MAP3K10: variants seen among roughly 807,000 people sequenced by gnomAD.
MAP3K10 encodes MKN28 derived nonreceptor_type serine/threonine kinase.
Under a neutral mutation model 75.0 loss-of-function variants are expected in MAP3K10, and 22 were observed. That is an observed-to-expected ratio of 0.29 (90% CI 0.21 to 0.42). The LOEUF is 0.42. Among genes scored for constraint, MAP3K10 ranks in the 10% least tolerant of loss-of-function variants. MAP3K10 has a pLI of 1.00. For synonymous variants in MAP3K10, 599 were observed against 612.9 expected, an observed-to-expected ratio of 0.98 and a Z score of 0.34; for missense variants, 1,165 against 1,379.8, an observed-to-expected ratio of 0.84 and a Z score of 2.47.
Position 40,204,277 on chromosome 19 carries a change from C to G in MAP3K10, c.864-208C>G, listed in dbSNP as rs1419812022. 6.6e-6 allele frequency among the ~76,000 whole-genome samples: 1 copy of G among 152,156 alleles called. No homozygotes were observed. Among genetic ancestry groups the G allele is most frequent in the Non-Finnish European group, 1.5e-5 (1 of 68,034 alleles). ...TCAGGCAGGGGAGAGGGAAGACAGG[C>G]CGAGCAAAGGAGAGACATCAGAGAG... On this transcript the variant is annotated intron_variant, in intron 2 of 9. Coordinates refer to ENST00000253055, the MANE Select transcript of MAP3K10 (RefSeq NM_002446.4). This position sits in a 1 kb window ranked among gnomAD's most constrained non-coding sequence, Gnocchi z 4.3.
Position 40,206,177 on chromosome 19 carries a change from G to C in MAP3K10, c.1435+20G>C, listed in dbSNP as rs757686251. The C allele has an allele frequency of 8.3e-6, 13 of 1,574,432 alleles. No homozygotes were observed. In the South Asian group the frequency reaches 1.3e-4, roughly 15 times the overall value. ...CCTCTGGTACCCACCCGTGTCCCCA[G>C]AGCGCCCCCCAAGAGGCTGCTGGGA... On this transcript the variant is annotated intron_variant, in intron 5 of 9. Transcript: ENST00000253055.
Position 40,213,571 on chromosome 19 carries a change from C to G in MAP3K10, c.1892C>G (p.Ser631Trp). The change falls in exon 9 of 10, where the codon TCG becomes TGG. Residue 631 changes from serine (S) to tryptophan (W), a missense_variant. By Grantham distance (177) the Ser-to-Trp change is radical. Coordinates refer to ENST00000253055, the MANE Select transcript of MAP3K10 (RefSeq NM_002446.4). The surrounding 1 kb of genome is among the most constrained non-coding windows in gnomAD (Gnocchi z 5.7). ...AGCAGCGTGCCCCCTTCCCCCTACT[C>G]GACCCCGTCCTACCTCTCAGTGCCA... Reference protein sequence around the residue: ...GGSSVPPSPYSTPSYLSVPLP... With the variant: ...GGSSVPPSPYWTPSYLSVPLP... 1 of 1,610,460 alleles carries G rather than the reference C, an allele frequency of 6.2e-7. No individual in the cohort carries two copies. Among genetic ancestry groups the G allele is most frequent in the Non-Finnish European group, 8.5e-7 (1 of 1,178,762 alleles).
chr19:40,201,794 CT>C (rs757199734), intron 2 of MAP3K10, among the ~76,000 whole-genome samples: 2,372 of 123,376 alleles, frequency 0.019, 44 homozygotes, highest in African/African-American at 0.06. Context: ...CACACGCCAG[CT>C]TTTTTTTTTT....
intron 1 of MAP3K10, among the ~76,000 whole-genome samples, chr19:40,196,915 A>G (rs150664687): frequency 6.0e-4 from 91 of 152,300 alleles, no homozygotes; most frequent in African/African-American, 2.1e-3. Flanking sequence ...AACACTAGCC[A>G]TGATCCTCAT....
Position 40,213,258 on chromosome 19 carries a change from CGAA to C in MAP3K10, c.1837+73_1837+75del. On this transcript the variant is annotated intron_variant, in intron 8 of 9. Coordinates refer to ENST00000253055, the MANE Select transcript of MAP3K10 (RefSeq NM_002446.4). The surrounding 1 kb of genome is among the most constrained non-coding windows in gnomAD (Gnocchi z 5.7). The stretch of plus-strand genomic sequence containing the variant: ...AAGGGGTGAGCCTCCTGGGGCTGAG[CGAA>C]GAGACCAGGTTTCACTGGGCCAGTG... The C allele has an allele frequency of 1.4e-6, 2 of 1,472,322 alleles. No individual in the cohort carries two copies. Among genetic ancestry groups the C allele is most frequent in the African/African-American group, 2.8e-5 (2 of 70,644 alleles). The allele number at this position is 1,472,322 out of a possible 1,614,324, so 91.2% of individuals were successfully genotyped here.
At chr19:40,208,336 T>C (rs1444127548) in intron 5 of MAP3K10, among the ~76,000 whole-genome samples, 1 of 89,756 alleles carries the variant, frequency 1.1e-5, no homozygotes, top group Non-Finnish European at 2.4e-5. Context: ...CACGCCTGGC[T>C]CTTTCTTTCT....
rs554277950 is a variant in MAP3K10 at position 40,215,160 on chromosome 19, G to A, written c.2733G>A (p.Ser911=). 39 of 1,606,780 alleles carry A rather than the reference G, an allele frequency of 2.4e-5. No homozygotes were observed. In the East Asian group the frequency reaches 2.7e-4, roughly 11 times the overall value. ...LVSFGRTLTI[S]PPSRPDTPES... Reference sequence around the variant, plus strand: ...CCTTCGGCCGGACACTCACCATCTCGCCTCCCAGCAGGCCAGACACTCCGG... The same window carrying A: ...CCTTCGGCCGGACACTCACCATCTCACCTCCCAGCAGGCCAGACACTCCGG... Residue 911 remains serine (S), a synonymous_variant, in exon 10 of 10, where the codon TCG becomes TCA. Transcript: ENST00000253055.
rs1227192991 is a variant in MAP3K10 at position 40,192,305 on chromosome 19, G to A, written c.274G>A (p.Glu92Lys). Reference protein sequence around the residue: ...AAPAGLQLPQEIPFHELQLEE... With the variant: ...AAPAGLQLPQKIPFHELQLEE... ...ACCCGCGGGCCTCCAGCTGCCCCAG[G>A]AGATCCCCTTCCACGAGCTGCAGCT... The change falls in exon 1 of 10, where the codon GAG (glutamate) becomes AAG (lysine). Residue 92 changes from glutamate (E) to lysine (K), a missense_variant. Coordinates refer to ENST00000253055, the MANE Select transcript of MAP3K10 (RefSeq NM_002446.4). The surrounding 1 kb of genome is among the most constrained non-coding windows in gnomAD (Gnocchi z 7.1). The A allele has an allele frequency of 6.2e-7, 1 of 1,602,618 alleles. No homozygotes were observed. Among genetic ancestry groups the A allele is most frequent in the East Asian group, 2.2e-5 (1 of 44,554 alleles).
In MAP3K10 at chr19:40,209,177, C is replaced by T. The variant is rs756990388; in HGVS notation, c.1510C>T (p.Pro504Ser). ...GAAAGGATCCGATGGGGCCAGCCCC[C>T]CTGCAAGCCCCAGCATCATCCCCCG... is the stretch of plus-strand genomic sequence containing the variant. ...KRKGSDGASP[P>S]ASPSIIPRLR... Residue 504 changes from proline to serine, a missense_variant, in exon 6 of 10, where the codon CCT becomes TCT. This residue lies in a region of MAP3K10 where 575 missense variants were observed against 793.2 expected (regional missense o/e 0.72). Coordinates refer to ENST00000253055, the MANE Select transcript of MAP3K10 (RefSeq NM_002446.4). 6.2e-7 allele frequency: 1 copy of T among 1,614,234 alleles called. No individual in the cohort carries two copies. The highest frequency in any genetic ancestry group is 1.7e-5 in the Admixed American group (1 of 60,030).
chr19:40,201,743 A>G (rs1383653803), intron 2 of MAP3K10, among the ~76,000 whole-genome samples: 1 of 150,550 alleles, frequency 6.6e-6, no homozygotes, highest in Non-Finnish European at 1.5e-5. Flanking sequence ...TTGGCCTCCC[A>G]AAGTGCTGAC....
At chr19:40,202,368 C>T (rs1422579825) in intron 2 of MAP3K10, among the ~76,000 whole-genome samples, 3 of 152,148 alleles carry the variant, frequency 2.0e-5, no homozygotes, top group African/African-American at 4.8e-5. Flanking sequence ...TGTTTTTGTT[C>T]CTGCGCTCCT....
rs746537447 is a variant in MAP3K10 at position 40,205,981 on chromosome 19, G to A, written c.1259G>A (p.Arg420Gln). The change falls in exon 5 of 10, where the codon CGG becomes CAG. Residue 420 changes from arginine to glutamine, a missense_variant. By Grantham distance (43) the Arg-to-Gln change is conservative. Coordinates refer to ENST00000253055, the MANE Select transcript of MAP3K10 (RefSeq NM_002446.4). This position sits in a 1 kb window ranked among gnomAD's most constrained non-coding sequence, Gnocchi z 4.3. Reference sequence around the variant, plus strand: ...CAGCGCTTCCAGGAGGAGCAGCTGCGGCGGCGGGAGCAGGAGCTGGCAGAA... The same window carrying A: ...CAGCGCTTCCAGGAGGAGCAGCTGCAGCGGCGGGAGCAGGAGCTGGCAGAA... The part of the protein sequence containing the change: ...QEQRFQEEQL[R>Q]RREQELAERE... 12 of 1,610,280 alleles carry A rather than the reference G, an allele frequency of 7.5e-6. No individual in the cohort carries two copies. The highest frequency in any genetic ancestry group is 2.7e-5 in the African/African-American group (2 of 74,836).
Position 40,198,779 on chromosome 19 carries a change from G to C in MAP3K10, c.863+224G>C, listed in dbSNP as rs1487491182. ...TAGAATAAAAAGCTCATAGGATCTAGAGACAAGGCCGGGCGCGGGGGCGCA... is the reference window on the plus strand; with the variant it reads ...TAGAATAAAAAGCTCATAGGATCTACAGACAAGGCCGGGCGCGGGGGCGCA... On this transcript the variant is annotated intron_variant, in intron 2 of 9. Transcript: ENST00000253055. This position sits in a 1 kb window ranked among gnomAD's most constrained non-coding sequence, Gnocchi z 4.3. 2.0e-5 allele frequency among the ~76,000 whole-genome samples: 3 copies of C among 152,248 alleles called. No homozygotes were observed. Among genetic ancestry groups the C allele is most frequent in the African/African-American group, 7.2e-5 (3 of 41,474 alleles).
chr19:40,192,312 C>T lies in MAP3K10; in HGVS notation c.281C>T (p.Pro94Leu). ...GGCCTCCAGCTGCCCCAGGAGATCCCCTTCCACGAGCTGCAGCTAGAGGAG... is the reference window on the plus strand; with the variant it reads ...GGCCTCCAGCTGCCCCAGGAGATCCTCTTCCACGAGCTGCAGCTAGAGGAG... ...PAGLQLPQEIPFHELQLEEII... is the reference protein window; with the variant it reads ...PAGLQLPQEILFHELQLEEII... The change falls in exon 1 of 10, where the codon CCC becomes CTC. Residue 94 changes from proline (P) to leucine (L), a missense_variant. Coordinates refer to ENST00000253055, the MANE Select transcript of MAP3K10 (RefSeq NM_002446.4). This position sits in a 1 kb window ranked among gnomAD's most constrained non-coding sequence, Gnocchi z 7.1. 1.9e-6 allele frequency: 3 copies of T among 1,606,428 alleles called. No homozygotes were observed. Among genetic ancestry groups the T allele is most frequent in the Non-Finnish European group, 2.5e-6 (3 of 1,177,510 alleles).
Position 40,213,767 on chromosome 19 carries a change from G to A in MAP3K10, c.2088G>A (p.Ala696=), listed in dbSNP as rs1466970151. The A allele has an allele frequency of 9.6e-6, 11 of 1,148,806 alleles. No individual in the cohort carries two copies. In the African/African-American group the frequency reaches 1.3e-4, roughly 14 times the overall value. The allele number at this position is 1,148,806 out of a possible 1,614,324, so 71.2% of individuals were successfully genotyped here. A position where few individuals can be genotyped will look rare whatever the true frequency, so the allele number is the denominator to read the frequency against. Residue 696 remains alanine, a synonymous_variant, in exon 9 of 10, where the codon GCG becomes GCA. Coordinates refer to ENST00000253055, the MANE Select transcript of MAP3K10 (RefSeq NM_002446.4). The surrounding 1 kb of genome is among the most constrained non-coding windows in gnomAD (Gnocchi z 5.7). ...GCGCCGACGTGGCCGAGGCGCGCGCGGCCGACGGTGAGGAGCAGCGGCGCT... is the reference window on the plus strand; with the variant it reads ...GCGCCGACGTGGCCGAGGCGCGCGCAGCCGACGGTGAGGAGCAGCGGCGCT... The part of the protein sequence containing the change: ...GLGADVAEAR[A]ADGEEQRRWL...
At position 40,198,179 on chromosome 19, in the gene MAP3K10, T is replaced by G. The variant is rs945872839; in HGVS notation, c.683-196T>G. Among the ~76,000 whole-genome samples the G allele has an allele frequency of 6.6e-6, 1 of 151,998 alleles. No homozygotes were observed. The highest frequency in any genetic ancestry group is 1.5e-5 in the Non-Finnish European group (1 of 67,994). On this transcript the variant is annotated intron_variant, in intron 1 of 9. Transcript: ENST00000253055. This position sits in a 1 kb window ranked among gnomAD's most constrained non-coding sequence, Gnocchi z 4.3. Reference sequence around the variant, plus strand: ...ACAGGAGGAGCTCCCTACTCCCTCATGGGAGCCTGGGACAGGGATTAGACC... The same window carrying G: ...ACAGGAGGAGCTCCCTACTCCCTCAGGGGAGCCTGGGACAGGGATTAGACC...
In MAP3K10 at chr19:40,209,427, GAGAC is replaced by G. The variant is rs899079267; in HGVS notation, c.1552+216_1552+219del. On this transcript the variant is annotated intron_variant, in intron 6 of 9. Transcript: ENST00000253055. ...TTTTTTTTTTTTTTCTTTTTTTTTG[GAGAC>G]AGACAGAGTCTCGCTCTATCTCCCA... 1.3e-3 allele frequency among the ~76,000 whole-genome samples: 192 copies of G among 149,218 alleles called. 1 individual carries two copies. Among genetic ancestry groups the G allele is most frequent in the African/African-American group, 4.2e-3 (172 of 40,536 alleles).
intron 2 of MAP3K10, among the ~76,000 whole-genome samples, chr19:40,199,644 G>C (rs1972980429): frequency 6.6e-6 from 1 of 152,124 alleles, no homozygotes; most frequent in Admixed American, 6.6e-5. Context: ...CTGTGGGTGA[G>C]GGAGTGGCCT....
In MAP3K10 at chr19:40,204,915, G is replaced by T; in HGVS notation, c.1013-206G>T. On this transcript the variant is annotated intron_variant, in intron 3 of 9. Coordinates refer to ENST00000253055, the MANE Select transcript of MAP3K10 (RefSeq NM_002446.4). The surrounding 1 kb of genome is among the most constrained non-coding windows in gnomAD (Gnocchi z 4.3). ...GATTCCACTACCAGCCCCTCCTCGG[G>T]GTGCAGGTCCCAGGGTTTCTCTCCC... 1 of 623,628 alleles carries T rather than the reference G, an allele frequency of 1.6e-6. No individual in the cohort carries two copies. Among genetic ancestry groups the T allele is most frequent in the Non-Finnish European group, 2.8e-6 (1 of 357,426 alleles). 38.6% of individuals were successfully genotyped at this position (623,628 alleles called of 1,614,324 possible).
Sources: allele counts gnomAD v4.1 joint callset (sites outside exome capture counted in the v4.1 genomes callset), GRCh38; gene constraint gnomAD v4.1.1; regional missense constraint gnomAD v4.1.1; non-coding constraint Gnocchi (gnomAD v3.1); transcripts MANE v1.5; gene names NCBI Gene and HGNC (gene_info 2026-07-23, HGNC 2026-07-21).